The following ANKRD36B variants were observed in gnomAD, a reference collection of about 807,000 sequenced individuals.
ANKRD36B encodes the protein ankyrin repeat domain-containing protein 36B.
Under a neutral mutation model 135.7 loss-of-function variants are expected in ANKRD36B, and 37 were observed. That is an observed-to-expected ratio of 0.27 (90% confidence interval 0.21 to 0.36). The LOEUF (loss-of-function observed/expected upper bound fraction) is 0.36, where lower values mean the gene tolerates loss of function less well. Ranked by LOEUF, ANKRD36B falls within the 10% of genes least tolerant of loss-of-function variation. The pLI is 1.00. For synonymous variants in ANKRD36B, 179 were observed against 348.1 expected, an observed-to-expected ratio of 0.51 and a Z score of 5.41; for missense variants, 549 against 1,037.1, an observed-to-expected ratio of 0.53 and a Z score of 6.46.
At position 97,589,657 on chromosome 2, in the gene ANKRD36B, G is replaced by A. The variant is rs756048412; in HGVS notation, c.29C>T (p.Ala10Val). The A allele has an allele frequency of 4.1e-5, 66 of 1,614,202 alleles. No homozygotes were observed. In the South Asian group the frequency reaches 6.8e-4, roughly 17 times the overall value. Residue 10 changes from alanine (A) to valine (V), a missense_variant, in exon 1 of 44, where the codon GCA becomes GTA. By Grantham distance (64) the Ala-to-Val change is moderately conservative (BLOSUM62 0). Transcript: ENST00000359901. MERLCSDGF[A>V]FPHYYIKPYH... ...CGGTTTAATGTAGTAATGGGGAAAT[G>A]CGAAGCCATCCGAGCACAAGCGCTC... is the stretch of plus-strand genomic sequence containing the variant.
At chr2:97,576,292 T>A (rs2082234127) in intron 6 of ANKRD36B, 87 bp downstream of exon 6, 3 of 359,622 alleles carry the variant, frequency 8.3e-6, no homozygotes. Flanking sequence ...GTGATTTTTT[T>A]AAACTGCTTT....
intron 6 of ANKRD36B, among the ~76,000 whole-genome samples, chr2:97,568,592 CAG>C (rs1450734805): frequency 6.6e-6 from 1 of 152,124 alleles, no homozygotes; most frequent in East Asian, 1.9e-4. Context: ...AAAACACAAA[CAG>C]AGAAAATATC....
At chr2:97,533,542 G>A (rs1394095119) in intron 34 of ANKRD36B, among the ~76,000 whole-genome samples, 1 of 96,916 alleles carries the variant, frequency 1.0e-5, no homozygotes, top group African/African-American at 3.1e-5. Context: ...ACAAAGTTGT[G>A]AGGACACTTC....
At position 97,558,976 on chromosome 2, in the gene ANKRD36B, G is replaced by A. The variant is rs768193451; in HGVS notation, c.884C>T (p.Pro295Leu). Reference protein sequence around the residue: ...ISGTVSSQKQPAEKATSDEKD... With the variant: ...ISGTVSSQKQLAEKATSDEKD... Reference sequence around the variant, plus strand: ...TGAGACTTTAATTACCTTCTCAGCTGGTTGTTTCTGAGAAGACACTGAAAA... The same window carrying A: ...TGAGACTTTAATTACCTTCTCAGCTAGTTGTTTCTGAGAAGACACTGAAAA... The change falls in exon 9 of 44, where the codon CCA (proline) becomes CTA (leucine). Residue 295 changes from proline (P) to leucine (L), a missense_variant. By Grantham distance (98) the Pro-to-Leu change is moderately conservative. Transcript: ENST00000359901. 4.4e-6 allele frequency: 7 copies of A among 1,603,446 alleles called. No homozygotes were observed. The South Asian group carries it at 7.7e-5, about 18-fold the overall frequency.
rs201309834 is a variant in ANKRD36B, at chr2:97,535,486, A to AACAC, written c.2191+810_2191+813dup. Among the ~76,000 whole-genome samples the AACAC allele has an allele frequency of 3.7e-4, 40 of 108,216 alleles. No individual in the cohort carries two copies. In the South Asian group the frequency reaches 5.6e-3, roughly 15 times the overall value. The allele number at this position is 108,216 out of a possible 152,430, so 71.0% of individuals were successfully genotyped here. ...ATTAAAATTAAAAACAAAAAAATAAAACACACACACACACACACACACACA... is the reference window on the plus strand; with the variant it reads ...ATTAAAATTAAAAACAAAAAAATAAAACACACACACACACACACACACACACACA... On this transcript the variant is annotated intron_variant, in intron 34 of 43. Transcript: ENST00000359901.
In ANKRD36B at chr2:97,560,826, A is replaced by G; in HGVS notation, c.792+6T>C. 1 of 1,573,476 alleles carries G rather than the reference A, an allele frequency of 6.4e-7. No individual in the cohort carries two copies. The highest frequency in any genetic ancestry group is 8.6e-7 in the Non-Finnish European group (1 of 1,163,552). On this transcript the variant is annotated splice_donor_region_variant and intron_variant, in intron 7 of 43. Transcript: ENST00000359901. ...TAGTTCAACATATAAATGAGACTTT[A>G]ATTACCTTCTCAGCTCGTTGTTTCT...
chr2:97,575,436 G>C (rs1232227377), intron 6 of ANKRD36B, among the ~76,000 whole-genome samples: 4 of 152,026 alleles, frequency 2.6e-5, no homozygotes, highest in Non-Finnish European at 5.9e-5. Flanking sequence ...CTCCTTTCTT[G>C]TGTGCAGTAT....
chr2:97,561,706 TA>T (rs1184089851), intron 6 of ANKRD36B, among the ~76,000 whole-genome samples: 1 of 151,994 alleles, frequency 6.6e-6, no homozygotes, highest in Non-Finnish European at 1.5e-5. Context: ...TTTTCACTTC[TA>T]AAATAGTCTG....
At chr2:97,555,374 T>A in intron 12 of ANKRD36B, 120 bp from the exon 13 acceptor site, 3 of 1,449,346 alleles carry the variant, frequency 2.1e-6, no homozygotes, top group Middle Eastern at 2.4e-4. Flanking sequence ...GGCTTTGATT[T>A]TTGTGTCTGG....
intron 35 of ANKRD36B, among the ~76,000 whole-genome samples, chr2:97,526,145 A>G (rs1187416162): frequency 5.3e-5 from 4 of 75,120 alleles, no homozygotes; most frequent in African/African-American, 2.2e-4. Flanking sequence ...CCTAACTGGG[A>G]GGCACCCCCC....
At chr2:97,574,689 G>C (rs2442275) in intron 6 of ANKRD36B, among the ~76,000 whole-genome samples, 188 of 152,282 alleles carry the variant, frequency 1.2e-3, no homozygotes, top group Non-Finnish European at 1.5e-3. Flanking sequence ...TTTGGACAAG[G>C]TGGTTCCAGT....
At chr2:97,546,907 T>C (rs1283163318) in intron 22 of ANKRD36B, among the ~76,000 whole-genome samples, 1 of 151,664 alleles carries the variant, frequency 6.6e-6, no homozygotes, top group Non-Finnish European at 1.5e-5. Flanking sequence ...GTGTGGTGTA[T>C]TCCAATTACA....
rs1322009084 is a variant in ANKRD36B, at chr2:97,523,589, C to CT, written c.2266-123dup. The CT allele has an allele frequency of 3.4e-4, 229 of 673,226 alleles. 1 individual carries two copies. The highest frequency in any genetic ancestry group is 1.6e-3 in the Middle Eastern group (4 of 2,508). The allele number at this position is 673,226 out of a possible 1,614,324, so 41.7% of individuals were successfully genotyped here. A position where few individuals can be genotyped will look rare whatever the true frequency, so the allele number is the denominator to read the frequency against. On this transcript the variant is annotated intron_variant, in intron 35 of 43. Transcript: ENST00000359901. ...CACAAACACAGGTACCTGTTCCATA[C>CT]TTTTTTTTTAAGCAATTTCCTTTAT...
chr2:97,516,232 A>G (rs1267077682), intron 36 of ANKRD36B, among the ~76,000 whole-genome samples: 1 of 52,248 alleles, frequency 1.9e-5, no homozygotes, highest in Non-Finnish European at 5.5e-5. Context: ...ATGTGATTGC[A>G]TAAGATAATT....
At chr2:97,583,601 G>GT (rs1315095526) in intron 3 of ANKRD36B, among the ~76,000 whole-genome samples, 1 of 119,858 alleles carries the variant, frequency 8.3e-6, no homozygotes, top group Non-Finnish European at 1.7e-5. Flanking sequence ...AACCAGCAGC[G>GT]TATCAGTGTC....
At chr2:97,586,437 G>C (rs1310128684) in intron 1 of ANKRD36B, among the ~76,000 whole-genome samples, 8 of 151,548 alleles carry the variant, frequency 5.3e-5, no homozygotes, top group Admixed American at 1.3e-4. Context: ...GATCCAACTG[G>C]GATTCAGTCC....
At chr2:97,579,140 T>C (rs571314353) in intron 4 of ANKRD36B, 97 bp from the exon 5 acceptor site, 43 of 1,279,250 alleles carry the variant, frequency 3.4e-5, no homozygotes, top group Non-Finnish European at 4.6e-5. Flanking sequence ...CCATGTAGAA[T>C]TAACCCAATT....
At chr2:97,569,765 A>G (rs2081707763) in intron 6 of ANKRD36B, among the ~76,000 whole-genome samples, 1 of 152,204 alleles carries the variant, frequency 6.6e-6, no homozygotes, top group Non-Finnish European at 1.5e-5. Context: ...TGAATCTTCT[A>G]TTACTAATAT....
intron 20 of ANKRD36B, 34 bp downstream of exon 20, chr2:97,549,385 C>G (rs2079817662): frequency 6.5e-7 from 1 of 1,536,206 alleles, no homozygotes; most frequent in Non-Finnish European, 8.8e-7. Context: ...TCTATCTGGA[C>G]TGAACATGAC....
Sources: allele counts gnomAD v4.1 joint callset (sites outside exome capture counted in the v4.1 genomes callset), GRCh38; gene constraint gnomAD v4.1.1; transcripts MANE v1.5; gene names NCBI Gene and HGNC (gene_info 2026-07-23, HGNC 2026-07-21).